Variants in LINS1 observed in about 807,000 individuals in gnomAD.
LINS1 encodes protein Lines homolog 1.
A neutral mutation model predicts 41.6 loss-of-function variants in LINS1; 27 were observed. That is an observed-to-expected ratio of 0.65 (90% CI 0.48 to 0.89). The LOEUF is 0.89. Ranked by LOEUF, LINS1 falls within the 40% of genes least tolerant of loss-of-function variation. LINS1 has a pLI of 0.00. For missense variants in LINS1, 955 were observed against 884.1 expected (o/e 1.08, Z -1.02); for synonymous variants, 336 against 312.9 (o/e 1.07, Z -0.78).
chr15:100,570,015 C>G lies in LINS1; in HGVS notation c.1497G>C (p.Leu499Phe). 1 of 1,548,950 alleles carries G rather than the reference C, an allele frequency of 6.5e-7. No homozygotes were observed. The highest frequency in any genetic ancestry group is 2.3e-5 in the East Asian group (1 of 44,344). Residue 499 changes from leucine (L) to phenylalanine (F), a missense_variant, in exon 7 of 7, where the codon TTG (leucine) becomes TTC (phenylalanine). By Grantham distance (22) the Leu-to-Phe change is conservative (BLOSUM62 0). Transcript: ENST00000314742. Reference sequence around the variant, plus strand: ...CTGTGGAATCAAATCCTATATTTTTCAAGAAGAACAAGAAAATACAGTGAG... The same window carrying G: ...CTGTGGAATCAAATCCTATATTTTTGAAGAAGAACAAGAAAATACAGTGAG... ...YNPHCIFLFF[L>F]KNIGFDSTVL...
intron 3 of LINS1, among the ~76,000 whole-genome samples, chr15:100,575,656 G>C (rs2038127909): frequency 6.6e-6 from 1 of 152,178 alleles, no homozygotes; most frequent in Non-Finnish European, 1.5e-5. Flanking sequence ...ATTGAATTCA[G>C]CTCTGCACCA....
At chr15:100,570,335 G>T in intron 6 of LINS1, 1 of 444,224 alleles carries the variant, frequency 2.3e-6, no homozygotes. Context: ...GGCAGTTCTA[G>T]TTTTTGTCTG....
At position 100,575,015 on chromosome 15, in the gene LINS1, G is replaced by T. The variant is rs750989081; in HGVS notation, c.603C>A (p.Ile201=). Residue 201 remains isoleucine (I), a synonymous_variant, in exon 4 of 7, where the codon ATC becomes ATA. Transcript: ENST00000314742. ...LWTLTAIIKE[I]FKDSCSQKTE... ...TTTTCTGTGAACATGAATCTTTAAA[G>T]ATTTCTTTTATTATTGCTGTAAGAG... 1.2e-6 allele frequency: 2 copies of T among 1,612,758 alleles called. No individual in the cohort carries two copies. The highest frequency in any genetic ancestry group is 1.7e-6 in the Non-Finnish European group (2 of 1,179,468).
chr15:100,579,895 A>C (rs145749229), intron 3 of LINS1, among the ~76,000 whole-genome samples: 83 of 152,304 alleles, frequency 5.4e-4, no homozygotes, highest in African/African-American at 1.9e-3. Flanking sequence ...CAGGTTAAGA[A>C]TCTGATTATG....
chr15:100,578,371 A>G (rs1029114374), intron 3 of LINS1, among the ~76,000 whole-genome samples: 1 of 152,196 alleles, frequency 6.6e-6, no homozygotes, highest in Non-Finnish European at 1.5e-5. Context: ...AAAGGATATG[A>G]ACAGACACTT....
At position 100,568,882 on chromosome 15, in the gene LINS1, C is replaced by T. The variant is rs1054060162; in HGVS notation, c.*356G>A. The T allele has an allele frequency of 9.6e-6, 2 of 209,046 alleles. No homozygotes were observed. Among genetic ancestry groups the T allele is most frequent in the Non-Finnish European group, 1.9e-5 (2 of 103,022 alleles). The allele number at this position is 209,046 out of a possible 1,614,324, so 12.9% of individuals were successfully genotyped here. On this transcript the variant is annotated 3_prime_UTR_variant, in exon 7 of 7. Transcript: ENST00000314742. ...GCTCATGCCTGTAATCCCAGCACTTCGGGAGGGCGGACAGGCGGATCACTT... is the reference window on the plus strand; with the variant it reads ...GCTCATGCCTGTAATCCCAGCACTTTGGGAGGGCGGACAGGCGGATCACTT...
chr15:100,590,208 T>C (rs2038971535), intron 1 of LINS1, among the ~76,000 whole-genome samples: 4 of 152,172 alleles, frequency 2.6e-5, no homozygotes, highest in Admixed American at 2.0e-4. Flanking sequence ...TCTTTGAATA[T>C]TTTTTGTTTA....
At chr15:100,595,076 G>A (rs1348937150) in intron 1 of LINS1, among the ~76,000 whole-genome samples, 1 of 152,092 alleles carries the variant, frequency 6.6e-6, no homozygotes, top group Non-Finnish European at 1.5e-5. Flanking sequence ...AATGGGTCAT[G>A]GCTGTAAACT....
chr15:100,568,911 G>C lies in LINS1; in HGVS notation c.*327C>G. The C allele has an allele frequency of 4.3e-6, 1 of 230,106 alleles. No homozygotes were observed. The highest frequency in any genetic ancestry group is 5.8e-5 in the South Asian group (1 of 17,364). 14.3% of individuals were successfully genotyped at this position (230,106 alleles called of 1,614,324 possible). Reference sequence around the variant, plus strand: ...AGGGCGGACAGGCGGATCACTTGAGGTCAGGAGTTTGAGACCAGCCTGGCA... The same window carrying C: ...AGGGCGGACAGGCGGATCACTTGAGCTCAGGAGTTTGAGACCAGCCTGGCA... On this transcript the variant is annotated 3_prime_UTR_variant, in exon 7 of 7. Coordinates refer to ENST00000314742, the MANE Select transcript of LINS1 (RefSeq NM_001040616.3).
Position 100,580,846 on chromosome 15 carries a change from G to T in LINS1, c.-4C>A, listed in dbSNP as rs750509291. The stretch of plus-strand genomic sequence containing the variant: ...AAACTTCACAGAAAACTTTCATTTT[G>T]ACTTCCAAAATGTATCTTATAAGAA... On this transcript the variant is annotated 5_prime_UTR_variant, in exon 2 of 7. Coordinates refer to ENST00000314742, the MANE Select transcript of LINS1 (RefSeq NM_001040616.3). The T allele has an allele frequency of 1.9e-6, 3 of 1,609,974 alleles. No individual in the cohort carries two copies. Among genetic ancestry groups the T allele is most frequent in the South Asian group, 1.1e-5 (1 of 90,526 alleles).
At position 100,569,918 on chromosome 15, in the gene LINS1, G is replaced by T; in HGVS notation, c.1594C>A (p.Gln532Lys). Residue 532 changes from glutamine to lysine, a missense_variant, in exon 7 of 7, where the codon CAA becomes AAA. By Grantham distance (53) the Gln-to-Lys change is moderately conservative. Transcript: ENST00000314742. ...GTGAAAAAATTATCCCAGTCCTTTTGCAGTAATTTTAAATATCTAACAAAA... is the reference window on the plus strand; with the variant it reads ...GTGAAAAAATTATCCCAGTCCTTTTTCAGTAATTTTAAATATCTAACAAAA... ...EYFVRYLKLL[Q>K]KDWDNFFTIC... 6.2e-7 allele frequency: 1 copy of T among 1,602,382 alleles called. No individual in the cohort carries two copies. The highest frequency in any genetic ancestry group is 8.5e-7 in the Non-Finnish European group (1 of 1,173,014).
At chr15:100,577,462 A>T (rs2038254691) in intron 3 of LINS1, among the ~76,000 whole-genome samples, 1 of 152,238 alleles carries the variant, frequency 6.6e-6, no homozygotes, top group Non-Finnish European at 1.5e-5. Context: ...AATCCAACTT[A>T]CAAGGGATGT....
chr15:100,570,120 G>A lies in LINS1; in HGVS notation c.1395-3C>T. 1 of 1,583,858 alleles carries A rather than the reference G, an allele frequency of 6.3e-7. No individual in the cohort carries two copies. Among genetic ancestry groups the A allele is most frequent in the Non-Finnish European group, 8.5e-7 (1 of 1,172,198 alleles). On this transcript the variant is annotated splice_region_variant and splice_polypyrimidine_tract_variant and intron_variant, in intron 6 of 6. Transcript: ENST00000314742. ...AGCTTTCAGTGGCTTCACATCCTCT[G>A]AAAATGAAGATAATGGAGAATGCAG...
intron 5 of LINS1, chr15:100,572,441 CA>C (rs2037882682): frequency 9.5e-7 from 1 of 1,054,506 alleles, no homozygotes; most frequent in African/African-American, 1.7e-5. Flanking sequence ...AGAATGCAAC[CA>C]AGCAAAAATA....
intron 1 of LINS1, among the ~76,000 whole-genome samples, chr15:100,584,131 T>C (rs139967813): frequency 6.6e-6 from 1 of 152,348 alleles, no homozygotes; most frequent in African/African-American, 2.4e-5. Flanking sequence ...GCACTTACTT[T>C]ATATTTTAGT....
intron 1 of LINS1, among the ~76,000 whole-genome samples, chr15:100,592,168 C>A (rs1236491031): frequency 1.3e-5 from 2 of 152,316 alleles, no homozygotes; most frequent in East Asian, 3.9e-4. Context: ...GGCTCTTGAG[C>A]CCCTATGCTT....
chr15:100,583,991 C>A (rs1162028567), intron 1 of LINS1, among the ~76,000 whole-genome samples: 1 of 150,732 alleles, frequency 6.6e-6, no homozygotes, highest in Non-Finnish European at 1.5e-5. Flanking sequence ...ATTTCAGCAA[C>A]AAATGGAATT....
intron 5 of LINS1, chr15:100,573,371 G>T: frequency 3.3e-6 from 4 of 1,223,258 alleles, no homozygotes; most frequent in Non-Finnish European, 4.2e-6. Flanking sequence ...AATATGAATT[G>T]ATTTCCATCA....
In LINS1 at chr15:100,574,581, G is replaced by A. The variant is rs541482890; in HGVS notation, c.632-340C>T. ...AAATTAGCTGGGTGTGGTGGTGAGCGCCTGTAATCCCAGCTACTCGGGAGG... is the reference window on the plus strand; with the variant it reads ...AAATTAGCTGGGTGTGGTGGTGAGCACCTGTAATCCCAGCTACTCGGGAGG... On this transcript the variant is annotated intron_variant, in intron 4 of 6. Coordinates refer to ENST00000314742, the MANE Select transcript of LINS1 (RefSeq NM_001040616.3). Among the ~76,000 whole-genome samples, 86 of 152,214 alleles carry A rather than the reference G, an allele frequency of 5.6e-4. No individual in the cohort carries two copies. In the South Asian group the frequency reaches 0.012, roughly 22 times the overall value.
Sources: allele counts gnomAD v4.1 joint callset (sites outside exome capture counted in the v4.1 genomes callset), GRCh38; gene constraint gnomAD v4.1.1; transcripts MANE v1.5; gene names NCBI Gene and HGNC (gene_info 2026-07-23, HGNC 2026-07-21).